The following SMCHD1 variants were observed in gnomAD, a reference collection of about 807,000 sequenced individuals.
SMCHD1 encodes structural maintenance of chromosomes flexible hinge domain-containing protein 1.
Under a neutral mutation model 254.7 loss-of-function variants are expected in SMCHD1, and 78 were observed. The ratio of observed to expected loss-of-function variants is 0.31; its 90% CI spans 0.26 to 0.37. The LOEUF is 0.37. Among genes scored for constraint, SMCHD1 ranks in the 10% least tolerant of loss-of-function variants. The pLI is 1.00. For missense variants in SMCHD1, 1,840 were observed against 2,408.1 expected, an observed-to-expected ratio of 0.76 and a Z score of 4.94; for synonymous variants, 766 against 794.9, an observed-to-expected ratio of 0.96 and a Z score of 0.61.
rs772782379 is a variant in SMCHD1, at chr18:2,666,217, A to G, written c.247A>G (p.Thr83Ala). Residue 83 changes from threonine (T) to alanine (A), a missense_variant, in exon 2 of 48, where the codon ACC (threonine) becomes GCC (alanine). By Grantham distance (58) the Thr-to-Ala change is moderately conservative. Around this residue, in one of 9 missense-constraint regions of SMCHD1, gnomAD observed 37 missense variants for 54.2 expected, o/e 0.68. Coordinates refer to ENST00000320876, the MANE Select transcript of SMCHD1 (RefSeq NM_015295.3). ...TACAACAACAAGTAGGAAAGAAATTACCTGTGATAATTTTGGTAGGTAAAC... is the reference window on the plus strand; with the variant it reads ...TACAACAACAAGTAGGAAAGAAATTGCCTGTGATAATTTTGGTAGGTAAAC... The part of the protein sequence containing the change: ...VITTTSRKEI[T>A]CDNFDETVKD... The G allele has an allele frequency of 3.1e-5, 47 of 1,535,082 alleles. No individual in the cohort carries two copies. Among genetic ancestry groups the G allele is most frequent in the Non-Finnish European group, 4.1e-5 (46 of 1,116,160 alleles).
chr18:2,754,152 A>C (rs1439391279), intron 34 of SMCHD1, among the ~76,000 whole-genome samples: 1 of 152,076 alleles, frequency 6.6e-6, no homozygotes, highest in East Asian at 1.9e-4. Flanking sequence ...GCAGTGGTTA[A>C]TTTTTATATA....
At chr18:2,781,680 G>GA (rs1053565872) in intron 44 of SMCHD1, among the ~76,000 whole-genome samples, 6 of 151,952 alleles carry the variant, frequency 3.9e-5, no homozygotes, top group African/African-American at 1.4e-4. Flanking sequence ...AAGTCAACTT[G>GA]AAAAAATCAA....
intron 17 of SMCHD1, among the ~76,000 whole-genome samples, chr18:2,714,884 C>T (rs1326662827): frequency 1.3e-5 from 2 of 152,040 alleles, no homozygotes; most frequent in African/African-American, 4.8e-5. Context: ...AAACAGAATC[C>T]TACAGAGGGA....
chr18:2,656,068 T>TC lies in SMCHD1; in HGVS notation c.-4dup. 1 of 1,383,190 alleles carries TC rather than the reference T, an allele frequency of 7.2e-7. No homozygotes were observed. The highest frequency in any genetic ancestry group is 9.4e-7 in the Non-Finnish European group (1 of 1,064,110). The allele number at this position is 1,383,190 out of a possible 1,614,324, so 85.7% of individuals were successfully genotyped here. On this transcript the variant is annotated 5_prime_UTR_variant, in exon 1 of 48. Transcript: ENST00000320876. ...CAGGCGTCGCTGTCTTTTCTCCTTT[T>TC]CCCCAATATGGCAGCGGCGGACGGC...
chr18:2,798,005 A>G lies in SMCHD1; in HGVS notation c.5993+1484A>G, dbSNP rs575349343. Among the ~76,000 whole-genome samples the G allele has an allele frequency of 2.6e-5, 4 of 152,332 alleles. No individual in the cohort carries two copies. The South Asian group carries it at 8.3e-4, about 32-fold the overall frequency. On this transcript the variant is annotated intron_variant, in intron 47 of 47. Coordinates refer to ENST00000320876, the MANE Select transcript of SMCHD1 (RefSeq NM_015295.3). ...CAATATCAGTTGTCTGGAGAGATGC[A>G]TTGAAACAGAGAACTGAAGGATGGG...
intron 39 of SMCHD1, 74 bp from the exon 40 acceptor site, chr18:2,771,459 T>A: frequency 1.8e-6 from 2 of 1,130,888 alleles, no homozygotes; most frequent in Non-Finnish European, 2.5e-6. Flanking sequence ...CAAAAGGAAC[T>A]TTAAAATATT....
chr18:2,744,299 CTTT>C (rs2075406675), intron 29 of SMCHD1, among the ~76,000 whole-genome samples: 3 of 152,142 alleles, frequency 2.0e-5, no homozygotes, highest in African/African-American at 7.2e-5. Flanking sequence ...AATCTAATAA[CTTT>C]TTATTGGAGT....
chr18:2,714,096 G>A (rs181027643), intron 17 of SMCHD1, among the ~76,000 whole-genome samples: 7 of 152,202 alleles, frequency 4.6e-5, no homozygotes, highest in African/African-American at 1.7e-4. Flanking sequence ...TCAGTAGGGT[G>A]TTGAATCCAT....
Position 2,798,947 on chromosome 18 carries a change from G to A in SMCHD1, c.5993+2426G>A, listed in dbSNP as rs540318360. Among the ~76,000 whole-genome samples the A allele has an allele frequency of 1.2e-4, 19 of 152,270 alleles. No individual in the cohort carries two copies. The South Asian group carries it at 3.3e-3, about 27-fold the overall frequency. On this transcript the variant is annotated intron_variant, in intron 47 of 47. Transcript: ENST00000320876. Reference sequence around the variant, plus strand: ...CCCTAGACCTTCCAGTTACTACAGCGCTACTGTGGACATTGATTTGGAACT... The same window carrying A: ...CCCTAGACCTTCCAGTTACTACAGCACTACTGTGGACATTGATTTGGAACT...
chr18:2,677,150 T>C (rs1319152134), intron 5 of SMCHD1, among the ~76,000 whole-genome samples: 1 of 120,012 alleles, frequency 8.3e-6, no homozygotes, highest in Non-Finnish European at 2.0e-5. Flanking sequence ...ATTATGAACA[T>C]TTAAAAACAT....
chr18:2,733,760 C>G (rs1192929799), intron 25 of SMCHD1, among the ~76,000 whole-genome samples: 1 of 152,170 alleles, frequency 6.6e-6, no homozygotes, highest in Non-Finnish European at 1.5e-5. Context: ...TTTACATTTT[C>G]AAAGTAAGCA....
chr18:2,681,412 CA>C (rs11448086), intron 5 of SMCHD1, among the ~76,000 whole-genome samples: 5,271 of 103,910 alleles, frequency 0.051, 345 homozygotes, highest in African/African-American at 0.18. Flanking sequence ...GACCCCATCT[CA>C]AAAAAAAAAA....
At chr18:2,695,354 G>T (rs1440863257) in intron 8 of SMCHD1, among the ~76,000 whole-genome samples, 1 of 149,872 alleles carries the variant, frequency 6.7e-6, no homozygotes, top group Non-Finnish European at 1.5e-5. Context: ...TTGTTGCCCA[G>T]GCTGGAGTGC....
chr18:2,743,835 T>A lies in SMCHD1; in HGVS notation c.3708T>A (p.Phe1236Leu). The A allele has an allele frequency of 6.2e-7, 1 of 1,613,418 alleles. No individual in the cohort carries two copies. Among genetic ancestry groups the A allele is most frequent in the East Asian group, 2.2e-5 (1 of 44,806 alleles). Residue 1236 changes from phenylalanine (F) to leucine (L), a missense_variant, in exon 29 of 48, where the codon TTT becomes TTA. By Grantham distance (22) the Phe-to-Leu change is conservative. This residue lies in a region of SMCHD1 where 881 missense variants were observed against 1,009.5 expected (regional missense o/e 0.87). Transcript: ENST00000320876. ...PGPPGNKDLCFTWREFSDFIR... is the reference protein window; with the variant it reads ...PGPPGNKDLCLTWREFSDFIR... ...CTCCTGGAAATAAGGATCTTTGTTT[T>A]ACTTGGCGTGAGTTTTCTGACTTTA...
chr18:2,673,872 C>A, intron 4 of SMCHD1, 143 bp from the exon 5 acceptor site: 1 of 742,232 alleles, frequency 1.3e-6, no homozygotes, highest in South Asian at 1.9e-5. Flanking sequence ...TGCTGAAGTG[C>A]CTTTCAGAAA....
intron 5 of SMCHD1, 82 bp from the exon 6 acceptor site, chr18:2,688,312 A>G: frequency 1.1e-6 from 1 of 945,368 alleles, no homozygotes; most frequent in South Asian, 1.3e-5. Context: ...CATTTTATTA[A>G]CACTGAATAC....
intron 8 of SMCHD1, 128 bp from the exon 9 acceptor site, chr18:2,696,904 A>G (rs570746096): frequency 8.4e-6 from 4 of 475,126 alleles, no homozygotes; most frequent in Admixed American, 4.1e-5. Context: ...TAAATGGAAT[A>G]TGTATTTTAA....
intron 12 of SMCHD1, among the ~76,000 whole-genome samples, chr18:2,701,555 T>C (rs2074402307): frequency 6.6e-6 from 1 of 152,244 alleles, no homozygotes; most frequent in South Asian, 2.1e-4. Flanking sequence ...AAGGGCTATA[T>C]TTGTATATTA....
chr18:2,779,472 A>G (rs575935314), intron 44 of SMCHD1, among the ~76,000 whole-genome samples: 13 of 152,348 alleles, frequency 8.5e-5, no homozygotes, highest in African/African-American at 2.9e-4. Context: ...TAAATCTTTC[A>G]GAGGTCTTAA....
Sources: allele counts gnomAD v4.1 joint callset (sites outside exome capture counted in the v4.1 genomes callset), GRCh38; gene constraint gnomAD v4.1.1; regional missense constraint gnomAD v4.1.1; transcripts MANE v1.5; gene names NCBI Gene and HGNC (gene_info 2026-07-23, HGNC 2026-07-21).